Variants in ATR observed in about 807,000 individuals in gnomAD.
ATR encodes the protein serine/threonine-protein kinase ATR.
A neutral mutation model predicts 305.3 loss-of-function variants in ATR; 142 were observed. That is an observed-to-expected ratio of 0.47 (90% CI 0.41 to 0.53). ATR has a LOEUF of 0.53. Among genes scored for constraint, ATR ranks in the 20% least tolerant of loss-of-function variants. ATR has a pLI of 0.00. For missense variants in ATR, 2,135 were observed against 3,133.1 expected (o/e 0.68, Z 7.60); for synonymous variants, 1,050 against 1,068.1 (o/e 0.98, Z 0.33).
chr3:142,575,269 T>C lies in ATR; in HGVS notation c.59+3377A>G, dbSNP rs529635512. On this transcript the variant is annotated intron_variant, in intron 1 of 46. Coordinates refer to ENST00000350721, the MANE Select transcript of ATR (RefSeq NM_001184.4). ...TGGTGGCTGAGGTGGGTGCATCACT[T>C]GAGGTCAGGAGTTGGAGACAACCTG... 2.0e-5 allele frequency among the ~76,000 whole-genome samples: 3 copies of C among 152,124 alleles called. No homozygotes were observed. In the South Asian group the frequency reaches 6.2e-4, roughly 32 times the overall value.
intron 39 of ATR, 104 bp downstream of exon 39, chr3:142,467,830 C>T (rs1258899746): frequency 7.5e-7 from 1 of 1,336,296 alleles, no homozygotes. Context: ...ATGTGTACAC[C>T]TATAGTTAGA....
At chr3:142,555,814 T>C in intron 10 of ATR, 63 bp downstream of exon 10, 1 of 1,523,012 alleles carries the variant, frequency 6.6e-7, no homozygotes, top group Admixed American at 2.0e-5. Context: ...CTAATTCTTT[T>C]ACTGATTTGA....
intron 46 of ATR, 65 bp from the exon 47 acceptor site, chr3:142,449,667 T>C: frequency 2.7e-6 from 4 of 1,501,108 alleles, no homozygotes; most frequent in Non-Finnish European, 3.7e-6. Context: ...CCTTTCTTTA[T>C]ATTTTGACAT....
intron 33 of ATR, 62 bp downstream of exon 33, chr3:142,496,951 A>C: frequency 6.5e-7 from 1 of 1,530,934 alleles, no homozygotes; most frequent in Admixed American, 1.8e-5. Flanking sequence ...AACACCCCCA[A>C]ATAATATCCA....
chr3:142,499,847 A>C, intron 30 of ATR, 129 bp from the exon 31 acceptor site: 1 of 758,856 alleles, frequency 1.3e-6, no homozygotes, highest in South Asian at 1.8e-5. Context: ...TTGTTCTTAG[A>C]TATAAAATAA....
chr3:142,502,802 T>C (rs1240727988), intron 30 of ATR, among the ~76,000 whole-genome samples: 2 of 152,210 alleles, frequency 1.3e-5, no homozygotes, highest in African/African-American at 4.8e-5. Flanking sequence ...GCAAAGCAGC[T>C]TCAAGAGCAG....
At chr3:142,483,799 C>G (rs1407357203) in intron 36 of ATR, among the ~76,000 whole-genome samples, 1 of 150,492 alleles carries the variant, frequency 6.6e-6, no homozygotes, top group Non-Finnish European at 1.5e-5. Context: ...TGCCATTGCA[C>G]TCCAGCCTGG....
Position 142,457,770 on chromosome 3 carries a change from A to AT in ATR, c.7504-16dup, listed in dbSNP as rs2070937906. 1 of 1,612,282 alleles carries AT rather than the reference A, an allele frequency of 6.2e-7. No homozygotes were observed. The highest frequency in any genetic ancestry group is 8.5e-7 in the Non-Finnish European group (1 of 1,178,644). On this transcript the variant is annotated splice_polypyrimidine_tract_variant and intron_variant, in intron 44 of 46. Coordinates refer to ENST00000350721, the MANE Select transcript of ATR (RefSeq NM_001184.4). Reference sequence around the variant, plus strand: ...AAGGTTTCTCCCTTAGAAACAATACATTTTATTACAAACTAACAATGTTAG... The same window carrying AT: ...AAGGTTTCTCCCTTAGAAACAATACATTTTTATTACAAACTAACAATGTTAG...
At position 142,491,504 on chromosome 3, in the gene ATR, C is replaced by G. The variant is rs186169487; in HGVS notation, c.6078+1628G>C. Among the ~76,000 whole-genome samples, 6 of 152,276 alleles carry G rather than the reference C, an allele frequency of 3.9e-5. No homozygotes were observed. The East Asian group carries it at 9.6e-4, about 24-fold the overall frequency. On this transcript the variant is annotated intron_variant, in intron 35 of 46. Coordinates refer to ENST00000350721, the MANE Select transcript of ATR (RefSeq NM_001184.4). ...TGCTATCAAATTCTGCTGTTAAGTACTGGTGAGTTTTTGTGTGCCTCATAA... is the reference window on the plus strand; with the variant it reads ...TGCTATCAAATTCTGCTGTTAAGTAGTGGTGAGTTTTTGTGTGCCTCATAA...
At position 142,452,683 on chromosome 3, in the gene ATR, A is replaced by AACC. The variant is rs1237230328; in HGVS notation, c.7761+442_7761+444dup. The AACC allele has an allele frequency of 5.0e-5, 52 of 1,035,478 alleles. 1 individual carries two copies. The Middle Eastern group carries it at 1.9e-3, about 38-fold the overall frequency. 64.1% of individuals were successfully genotyped at this position (1,035,478 alleles called of 1,614,324 possible). On this transcript the variant is annotated intron_variant, in intron 46 of 46. Coordinates refer to ENST00000350721, the MANE Select transcript of ATR (RefSeq NM_001184.4). ...AGCGAGACTCTGTCTCAAAAACAAC[A>AACC]ACCACCACCACCACCACAACAACAA...
intron 36 of ATR, among the ~76,000 whole-genome samples, chr3:142,480,771 C>G (rs927156614): frequency 2.0e-5 from 3 of 152,244 alleles, no homozygotes; most frequent in African/African-American, 7.2e-5. Flanking sequence ...TTTACCTACT[C>G]AAGCCTCAGC....
At chr3:142,573,754 C>T (rs1274357314) in intron 1 of ATR, among the ~76,000 whole-genome samples, 1 of 152,104 alleles carries the variant, frequency 6.6e-6, no homozygotes, top group Non-Finnish European at 1.5e-5. Context: ...CTTTTACATT[C>T]TTTTTTCTGG....
intron 40 of ATR, 90 bp downstream of exon 40, chr3:142,466,234 C>A (rs775722831): frequency 1.5e-6 from 2 of 1,349,532 alleles, no homozygotes; most frequent in African/African-American, 2.9e-5. Context: ...ATAAGATTCA[C>A]GTAGATTTTG....
chr3:142,511,384 G>T (rs766255746), intron 27 of ATR, among the ~76,000 whole-genome samples: 6 of 152,074 alleles, frequency 3.9e-5, no homozygotes, highest in Non-Finnish European at 5.9e-5. Context: ...GGCCAGGTGT[G>T]GTGGCTCACA....
At chr3:142,513,389 T>C (rs2032679466) in intron 26 of ATR, 112 bp downstream of exon 26, 4 of 1,245,082 alleles carry the variant, frequency 3.2e-6, no homozygotes, top group Admixed American at 1.7e-5. Flanking sequence ...TGAACATACA[T>C]AGCCATACAT....
chr3:142,519,371 G>A (rs1027917278), intron 24 of ATR, among the ~76,000 whole-genome samples: 3 of 150,728 alleles, frequency 2.0e-5, no homozygotes, highest in African/African-American at 4.9e-5. Flanking sequence ...GCACAATCTC[G>A]GCTCACTGCA....
At chr3:142,452,876 T>C (rs1559902160) in intron 46 of ATR, 1 of 1,331,314 alleles carries the variant, frequency 7.5e-7, no homozygotes, top group Non-Finnish European at 9.7e-7. Context: ...ATCTCATAAC[T>C]GTGAATTGTC....
intron 21 of ATR, among the ~76,000 whole-genome samples, chr3:142,524,977 T>C (rs750398294): frequency 1.3e-5 from 2 of 152,214 alleles, no homozygotes; most frequent in Admixed American, 6.5e-5. Context: ...TCAAACTCCA[T>C]GTTAGAACTG....
intron 1 of ATR, among the ~76,000 whole-genome samples, chr3:142,571,053 TAGAA>T (rs1446190989): frequency 2.0e-5 from 3 of 152,080 alleles, no homozygotes; most frequent in African/African-American, 7.3e-5. Context: ...TTCATAAACA[TAGAA>T]AGAATGGATG....
Sources: gnomAD v4.1 joint callset for allele counts (sites outside exome capture counted in the v4.1 genomes callset) on GRCh38, gnomAD v4.1.1 for gene constraint, MANE v1.5 for transcripts, NCBI Gene and HGNC (gene_info 2026-07-23, HGNC 2026-07-21) for gene names.